The following KCTD1 variants were observed in gnomAD, a reference collection of about 807,000 sequenced individuals.
KCTD1 encodes the protein potassium channel tetramerization domain containing 1, also known as BTB/POZ domain-containing protein KCTD1.
KCTD1 carries 24 observed loss-of-function variants against 66.0 expected under a neutral mutation model. That is an observed-to-expected ratio of 0.36 (90% CI 0.26 to 0.51). The LOEUF is 0.51. Ranked by LOEUF, KCTD1 falls within the 20% of genes least tolerant of loss-of-function variation. KCTD1 has a pLI of 0.95. For missense variants in KCTD1, 943 were observed against 1,205.2 expected (o/e 0.78, Z 3.22); for synonymous variants, 511 against 517.2 (o/e 0.99, Z 0.16).
intron 1 of KCTD1, among the ~76,000 whole-genome samples, chr18:26,656,677 T>C (rs1185998045): frequency 1.3e-5 from 2 of 150,240 alleles, no homozygotes; most frequent in Non-Finnish European, 1.5e-5. Flanking sequence ...TCACGGGGCG[T>C]CCGGGGGCGC....
chr18:26,540,142 G>A (rs754815523), intron 1 of KCTD1, among the ~76,000 whole-genome samples: 2 of 152,128 alleles, frequency 1.3e-5, no homozygotes, highest in Non-Finnish European at 2.9e-5. Flanking sequence ...GGGTTAAACC[G>A]GACTAGGGAC....
intron 1 of KCTD1, among the ~76,000 whole-genome samples, chr18:26,519,647 C>T (rs921066057): frequency 6.6e-6 from 1 of 152,164 alleles, no homozygotes; most frequent in African/African-American, 2.4e-5. Flanking sequence ...CAATAACATA[C>T]TTGATATCCT....
At chr18:26,508,709 T>TTCTCTC (rs201752316) in intron 1 of KCTD1, among the ~76,000 whole-genome samples, 8 of 73,016 alleles carry the variant, frequency 1.1e-4, no homozygotes, top group African/African-American at 2.2e-4. Flanking sequence ...TTAAATATAT[T>TTCTCTC]TCTCTCTCTC....
intron 1 of KCTD1, chr18:26,600,390 C>T (rs979724647): frequency 3.6e-5 from 34 of 955,216 alleles, no homozygotes; most frequent in Non-Finnish European, 5.7e-5. Flanking sequence ...AACTCCTGTC[C>T]CTCAAATCCC....
intron 1 of KCTD1, among the ~76,000 whole-genome samples, chr18:26,649,417 G>A (rs1987986726): frequency 6.6e-6 from 1 of 152,118 alleles, no homozygotes; most frequent in Non-Finnish European, 1.5e-5. Context: ...CACAGCCCAG[G>A]AAGAAACAGA....
chr18:26,648,770 C>G (rs1431014837), intron 1 of KCTD1, among the ~76,000 whole-genome samples: 1 of 152,206 alleles, frequency 6.6e-6, no homozygotes, highest in Non-Finnish European at 1.5e-5. Context: ...CTTGAATGCA[C>G]AGATCAACTC....
At chr18:26,533,827 TAAAAAA>T (rs143763803) in intron 1 of KCTD1, among the ~76,000 whole-genome samples, 2 of 130,416 alleles carry the variant, frequency 1.5e-5, no homozygotes, top group South Asian at 2.5e-4. Flanking sequence ...AGCTATTATT[TAAAAAA>T]AAAAAAAAAA....
At chr18:26,650,708 T>TC (rs1378257712) in intron 1 of KCTD1, among the ~76,000 whole-genome samples, 1 of 152,198 alleles carries the variant, frequency 6.6e-6, no homozygotes, top group African/African-American at 2.4e-5. Flanking sequence ...TAGCTTTTTC[T>TC]CCCCCTCACA....
chr18:26,507,117 G>T (rs1289988808), intron 1 of KCTD1, among the ~76,000 whole-genome samples: 1 of 152,178 alleles, frequency 6.6e-6, no homozygotes, highest in African/African-American at 2.4e-5. Context: ...AGTGAGCCAA[G>T]ATCGCGCCAC....
At chr18:26,626,989 T>A (rs1987515776) in intron 1 of KCTD1, among the ~76,000 whole-genome samples, 1 of 152,304 alleles carries the variant, frequency 6.6e-6, no homozygotes, top group Middle Eastern at 3.4e-3. Flanking sequence ...CTTGTTCCTC[T>A]TTCTTAATTA....
At chr18:26,467,139 T>G (rs1598877427) in intron 3 of KCTD1, among the ~76,000 whole-genome samples, 1 of 151,872 alleles carries the variant, frequency 6.6e-6, no homozygotes, top group East Asian at 1.9e-4. Flanking sequence ...ATAGTTTGTT[T>G]TTTTTTTTTT....
chr18:26,462,465 A>G (rs1255042079), intron 3 of KCTD1, among the ~76,000 whole-genome samples: 6 of 152,186 alleles, frequency 3.9e-5, no homozygotes, highest in African/African-American at 1.4e-4. Context: ...AGCCACTGCT[A>G]TGTCACGGGG....
intron 2 of KCTD1, among the ~76,000 whole-genome samples, chr18:26,484,563 T>A (rs1039886714): frequency 6.6e-6 from 1 of 152,226 alleles, no homozygotes; most frequent in Non-Finnish European, 1.5e-5. Context: ...AGAAAATTTT[T>A]AAAAATTAGA....
At chr18:26,561,088 G>GT (rs1173973858) in intron 1 of KCTD1, among the ~76,000 whole-genome samples, 4 of 152,118 alleles carry the variant, frequency 2.6e-5, no homozygotes, top group Non-Finnish European at 5.9e-5. Flanking sequence ...ATGTAGGTTT[G>GT]TAAGTGCTGA....
intron 1 of KCTD1, among the ~76,000 whole-genome samples, chr18:26,533,291 T>A (rs1420614780): frequency 2.6e-5 from 4 of 152,264 alleles, no homozygotes; most frequent in South Asian, 2.1e-4. Context: ...CAAGCTAGTA[T>A]AAACTAAATT....
chr18:26,615,423 A>T lies in KCTD1; in HGVS notation c.-16+13724T>A, dbSNP rs112705560. On this transcript the variant is annotated intron_variant, in intron 1 of 4. Coordinates refer to the KCTD1 transcript ENST00000317932. Reference sequence around the variant, plus strand: ...AGGGTTTTAGGGGAGGAGTCCGTGGATAGAGAAGGGGATGGGAGACTTAAA... The same window carrying T: ...AGGGTTTTAGGGGAGGAGTCCGTGGTTAGAGAAGGGGATGGGAGACTTAAA... Among the ~76,000 whole-genome samples the T allele has an allele frequency of 7.2e-4, 110 of 152,342 alleles. 1 individual carries two copies. Among genetic ancestry groups the T allele is most frequent in the African/African-American group, 2.5e-3 (102 of 41,580 alleles).
intron 2 of KCTD1, among the ~76,000 whole-genome samples, chr18:26,485,471 GA>G (rs759361728): frequency 6.6e-6 from 1 of 152,218 alleles, no homozygotes; most frequent in Non-Finnish European, 1.5e-5. Flanking sequence ...TGACTGAATA[GA>G]AAATCCTGCA....
intron 3 of KCTD1, among the ~76,000 whole-genome samples, chr18:26,466,365 T>G (rs1980734147): frequency 6.6e-6 from 1 of 152,202 alleles, no homozygotes; most frequent in South Asian, 2.1e-4. Context: ...GAGAGAAAGC[T>G]TCCACTAATT....
chr18:26,569,160 C>CA (rs1352444605), intron 1 of KCTD1, among the ~76,000 whole-genome samples: 1 of 151,890 alleles, frequency 6.6e-6, no homozygotes, highest in African/African-American at 2.4e-5. Flanking sequence ...AACTTCACAA[C>CA]AAAAAAATGA....
Sources: allele counts gnomAD v4.1 joint callset (sites outside exome capture counted in the v4.1 genomes callset), GRCh38; gene constraint gnomAD v4.1.1; transcripts MANE v1.5; gene names NCBI Gene and HGNC (gene_info 2026-07-23, HGNC 2026-07-21).